ABCC8: variants seen among roughly 807,000 people sequenced by gnomAD.
ABCC8 encodes ATP-binding cassette sub-family C member 8.
Under a neutral mutation model 188.0 loss-of-function variants are expected in ABCC8, and 137 were observed. The ratio of observed to expected loss-of-function variants is 0.73; its 90% CI spans 0.63 to 0.84. ABCC8 has a LOEUF of 0.84. Among genes scored for constraint, ABCC8 ranks in the 40% least tolerant of loss-of-function variants. The pLI is 0.00. For synonymous variants in ABCC8, 797 were observed against 846.5 expected (o/e 0.94, Z 1.01); for missense variants, 1,750 against 2,072.7 (o/e 0.84, Z 3.02).
intron 38 of ABCC8, 189 bp from the exon 39 acceptor site, chr11:17,393,317 C>T (rs1953725948): frequency 1.3e-6 from 1 of 783,024 alleles, no homozygotes; most frequent in Non-Finnish European, 2.0e-6. Context: ...GCTAATACCA[C>T]CCTTCTCTCC....
intron 14 of ABCC8, 132 bp downstream of exon 14, chr11:17,428,157 C>T (rs1955671770): frequency 3.2e-6 from 5 of 1,543,368 alleles, no homozygotes; most frequent in Non-Finnish European, 8.8e-7. Context: ...GGTTTCTGGA[C>T]TCCTATGGAC....
chr11:17,412,967 C>T (rs2133471655), intron 20 of ABCC8: 2 of 967,762 alleles, frequency 2.1e-6, no homozygotes, highest in East Asian at 2.7e-5. Flanking sequence ...TGTGTAGGCG[C>T]TAGGGACCAT....
At chr11:17,420,458 G>A (rs1372414538) in intron 16 of ABCC8, among the ~76,000 whole-genome samples, 5 of 152,186 alleles carry the variant, frequency 3.3e-5, no homozygotes, top group Non-Finnish European at 7.3e-5. Flanking sequence ...TCTGTCAGCT[G>A]TCTCACCACA....
chr11:17,410,471 C>T lies in ABCC8; in HGVS notation c.2694+45G>A, dbSNP rs186969895. Reference sequence around the variant, plus strand: ...TTCCTGCCAAGATGCCTGACAGCCTCCCCAGCCCTGCCCCCTATAGCCTGA... The same window carrying T: ...TTCCTGCCAAGATGCCTGACAGCCTTCCCAGCCCTGCCCCCTATAGCCTGA... On this transcript the variant is annotated intron_variant, in intron 22 of 38. Coordinates refer to ENST00000389817, the MANE Select transcript of ABCC8 (RefSeq NM_000352.6). 8,697 of 1,605,562 alleles carry T rather than the reference C, an allele frequency of 5.4e-3. 31 individuals carry two copies. Among genetic ancestry groups the T allele is most frequent in the Non-Finnish European group, 6.7e-3 (7,893 of 1,172,616 alleles).
chr11:17,444,586 G>A (rs1194800543), intron 8 of ABCC8, among the ~76,000 whole-genome samples: 1 of 152,150 alleles, frequency 6.6e-6, no homozygotes, highest in Admixed American at 6.5e-5. Flanking sequence ...GTGCTCCCAA[G>A]ACTCCTTGGT....
intron 29 of ABCC8, among the ~76,000 whole-genome samples, chr11:17,399,630 T>G (rs546361759): frequency 6.6e-6 from 1 of 152,364 alleles, no homozygotes; most frequent in South Asian, 2.1e-4. Flanking sequence ...GTCTGCAACC[T>G]GTTTGCTCCA....
chr11:17,435,393 T>G (rs538938832), intron 10 of ABCC8, among the ~76,000 whole-genome samples: 110 of 152,156 alleles, frequency 7.2e-4, no homozygotes, highest in Non-Finnish European at 1.3e-3. Context: ...CAAAGGCCAA[T>G]ATGGAGACAG....
chr11:17,443,350 A>C (rs1301713863), intron 8 of ABCC8, 38 bp from the exon 9 acceptor site: 28 of 1,613,622 alleles, frequency 1.7e-5, no homozygotes, highest in Non-Finnish European at 2.4e-5. Context: ...CTTTGACCTG[A>C]TGGTTGCCCT....
Position 17,395,659 on chromosome 11 carries a change from G to C in ABCC8, c.4258C>G (p.Arg1420Gly). 3.2e-6 allele frequency: 5 copies of C among 1,561,052 alleles called. No homozygotes were observed. The highest frequency in any genetic ancestry group is 4.3e-6 in the Non-Finnish European group (5 of 1,152,536). The change falls in exon 35 of 39, where the codon CGC becomes GGC. Residue 1420 changes from arginine to glycine, a missense_variant. Coordinates refer to ENST00000389817, the MANE Select transcript of ABCC8 (RefSeq NM_000352.6). ...GGGTCCTGCAGGATGATGGAGAGGC[G>C]TGAGCGCAGGGTGTGCAGCGGCAGT... ...AKLPLHTLRS[R>G]LSIILQDPVL...
rs774614986 is a variant in ABCC8 at position 17,460,468 on chromosome 11, C to T, written c.1011+20G>A. 4 of 1,614,064 alleles carry T rather than the reference C, an allele frequency of 2.5e-6. No homozygotes were observed. Among genetic ancestry groups the T allele is most frequent in the South Asian group, 2.2e-5 (2 of 91,078 alleles). On this transcript the variant is annotated intron_variant, in intron 6 of 38. Coordinates refer to ENST00000389817, the MANE Select transcript of ABCC8 (RefSeq NM_000352.6). ...AAAACCATCTAGAGGGTGCCTTACC[C>T]TACCCCTGGGGCTGCCTACCTTGGG...
chr11:17,441,059 A>T (rs1956298512), intron 10 of ABCC8, among the ~76,000 whole-genome samples: 1 of 152,048 alleles, frequency 6.6e-6, no homozygotes, highest in Non-Finnish European at 1.5e-5. Flanking sequence ...CTCCCCCACC[A>T]GGTGTGTCTC....
intron 7 of ABCC8, among the ~76,000 whole-genome samples, chr11:17,449,215 C>T (rs545493334): frequency 9.3e-4 from 141 of 152,272 alleles, no homozygotes; most frequent in African/African-American, 2.7e-3. Flanking sequence ...CATGAGCCAC[C>T]GCACCCGGTC....
chr11:17,451,068 TC>T (rs1956798757), intron 7 of ABCC8, among the ~76,000 whole-genome samples: 1 of 152,200 alleles, frequency 6.6e-6, no homozygotes, highest in African/African-American at 2.4e-5. Flanking sequence ...CATGAAAGAT[TC>T]AAGCAATTTG....
At chr11:17,416,164 G>A (rs1365786452) in intron 17 of ABCC8, among the ~76,000 whole-genome samples, 1 of 152,174 alleles carries the variant, frequency 6.6e-6, no homozygotes, top group Non-Finnish European at 1.5e-5. Flanking sequence ...GCAAAGGCCA[G>A]AGGCTTAAAC....
chr11:17,425,172 C>T (rs913535772), intron 16 of ABCC8, among the ~76,000 whole-genome samples: 1 of 152,146 alleles, frequency 6.6e-6, no homozygotes, highest in Non-Finnish European at 1.5e-5. Context: ...TGAAAAATCT[C>T]CCAAATAAAA....
At chr11:17,458,478 C>T (rs1564971764) in intron 6 of ABCC8, among the ~76,000 whole-genome samples, 1 of 152,246 alleles carries the variant, frequency 6.6e-6, no homozygotes, top group Non-Finnish European at 1.5e-5. Context: ...GGAAGAAGAG[C>T]GTGGTGTGGA....
chr11:17,394,107 C>G (rs189320364), intron 37 of ABCC8, among the ~76,000 whole-genome samples, 159 bp downstream of exon 37: 137 of 152,248 alleles, frequency 9.0e-4, no homozygotes, highest in African/African-American at 3.2e-3. Context: ...TAAGACTAGA[C>G]AGAGTCAGGG....
At chr11:17,441,479 C>T (rs1461023079) in intron 10 of ABCC8, among the ~76,000 whole-genome samples, 1 of 152,192 alleles carries the variant, frequency 6.6e-6, no homozygotes. Flanking sequence ...TTCATGTAAC[C>T]TGTGCACTGA....
intron 38 of ABCC8, 45 bp from the exon 39 acceptor site, chr11:17,393,173 C>G (rs772277047): frequency 1.9e-6 from 3 of 1,609,532 alleles, no homozygotes; most frequent in South Asian, 2.2e-5. Flanking sequence ...GGGAATACCA[C>G]CCGCGGTGGG....
Sources: allele counts gnomAD v4.1 joint callset (sites outside exome capture counted in the v4.1 genomes callset), GRCh38; gene constraint gnomAD v4.1.1; transcripts MANE v1.5; gene names NCBI Gene and HGNC (gene_info 2026-07-23, HGNC 2026-07-21).